The following SAMD4A variants were observed in gnomAD, a reference collection of about 807,000 sequenced individuals.
SAMD4A encodes protein Smaug homolog 1.
In SAMD4A, 33 loss-of-function variants were observed where a neutral mutation model predicts 81.3. The ratio of observed to expected loss-of-function variants is 0.41; its 90% CI spans 0.31 to 0.54. The LOEUF (loss-of-function observed/expected upper bound fraction) is 0.54. Ranked by LOEUF, SAMD4A falls within the 20% of genes least tolerant of loss-of-function variation. The pLI, the probability that SAMD4A is intolerant of heterozygous loss-of-function variation, is 0.37. For missense variants in SAMD4A, 854 were observed against 951.1 expected (o/e 0.90, Z 1.34); for synonymous variants, 389 against 382.1 (o/e 1.02, Z -0.21).
At chr14:54,646,450 A>T (rs147799141) in intron 2 of SAMD4A, among the ~76,000 whole-genome samples, 1 of 152,356 alleles carries the variant, frequency 6.6e-6, no homozygotes, top group African/African-American at 2.4e-5. Context: ...GATGCAGTAG[A>T]TTGGGAGACC....
intron 2 of SAMD4A, among the ~76,000 whole-genome samples, chr14:54,638,408 A>C (rs1036285652): frequency 3.3e-5 from 5 of 152,222 alleles, no homozygotes; most frequent in African/African-American, 9.6e-5. Flanking sequence ...GCCAGAGCAA[A>C]GGAATTCTAG....
chr14:54,710,099 T>G (rs2036952797), intron 3 of SAMD4A, among the ~76,000 whole-genome samples: 2 of 152,310 alleles, frequency 1.3e-5, no homozygotes, highest in African/African-American at 2.4e-5. Context: ...CATGCTGGCC[T>G]TTGTTAGCCC....
chr14:54,604,439 G>A (rs780714453), intron 2 of SAMD4A, among the ~76,000 whole-genome samples: 6 of 152,226 alleles, frequency 3.9e-5, no homozygotes, highest in Non-Finnish European at 5.9e-5. Flanking sequence ...GGTGATATTA[G>A]GTAAGGGGAG....
intron 2 of SAMD4A, among the ~76,000 whole-genome samples, chr14:54,568,610 C>G (rs1455029961): frequency 6.7e-6 from 1 of 148,322 alleles, no homozygotes; most frequent in Non-Finnish European, 1.5e-5. Context: ...CATTTTTCCC[C>G]ACAGATATTC....
rs79297914 is a variant in SAMD4A, at chr14:54,735,733, T to G, written c.716-1291T>G. Reference sequence around the variant, plus strand: ...TGACTCTGCTCTTTATCTTTTGAAGTAGGGAACACAGTAATCTGCCCAGGC... The same window carrying G: ...TGACTCTGCTCTTTATCTTTTGAAGGAGGGAACACAGTAATCTGCCCAGGC... On this transcript the variant is annotated intron_variant, in intron 3 of 12. Transcript: ENST00000554335. 8.0e-3 allele frequency among the ~76,000 whole-genome samples: 1,219 copies of G among 152,288 alleles called. 18 individuals are homozygous for G. Among genetic ancestry groups the G allele is most frequent in the African/African-American group, 0.028 (1,176 of 41,552 alleles).
intron 4 of SAMD4A, among the ~76,000 whole-genome samples, chr14:54,744,109 A>G (rs2037909476): frequency 6.6e-6 from 1 of 152,172 alleles, no homozygotes; most frequent in Admixed American, 6.5e-5. Flanking sequence ...TTCCATCTGC[A>G]GTTACCAGGA....
intron 2 of SAMD4A, among the ~76,000 whole-genome samples, chr14:54,676,361 C>T (rs12892265): frequency 0.82 from 124,378 of 152,160 alleles, 51,691 homozygotes; most frequent in Middle Eastern, 0.92. Context: ...TAGTACTTTC[C>T]TTTCTTTTCT....
At chr14:54,784,283 C>T in intron 11 of SAMD4A, 2 of 1,381,900 alleles carry the variant, frequency 1.4e-6, no homozygotes, top group Non-Finnish European at 2.0e-6. Context: ...GGGTTCTGAG[C>T]AGAGGAGGCA....
chr14:54,659,609 T>C (rs969775527), intron 2 of SAMD4A, among the ~76,000 whole-genome samples: 2 of 152,208 alleles, frequency 1.3e-5, no homozygotes, highest in Non-Finnish European at 2.9e-5. Flanking sequence ...GTGGTTATTC[T>C]ACGTGATGCT....
chr14:54,702,054 C>T lies in SAMD4A; in HGVS notation c.197-8C>T, dbSNP rs199761984. On this transcript the variant is annotated splice_region_variant and splice_polypyrimidine_tract_variant and intron_variant, in intron 2 of 12. Coordinates refer to ENST00000554335, the MANE Select transcript of SAMD4A (RefSeq NM_015589.6). ...TTGCTTATTTGCCGTGTATATTTCCCTTTTCAGGAATCATTAACCAATGGC... is the reference window on the plus strand; with the variant it reads ...TTGCTTATTTGCCGTGTATATTTCCTTTTTCAGGAATCATTAACCAATGGC... 1 of 1,612,944 alleles carries T rather than the reference C, an allele frequency of 6.2e-7. No individual in the cohort carries two copies. The highest frequency in any genetic ancestry group is 2.2e-5 in the East Asian group (1 of 44,866).
At position 54,608,803 on chromosome 14, in the gene SAMD4A, A is replaced by G. The variant is rs529426200; in HGVS notation, c.196+40691A>G. ...TCGTAGATATAGAGGTGGAAGGGAC[A>G]AAAGAAGAAGCAATAGCATGGTCTC... On this transcript the variant is annotated intron_variant, in intron 2 of 12. Coordinates refer to ENST00000554335, the MANE Select transcript of SAMD4A (RefSeq NM_015589.6). Among the ~76,000 whole-genome samples the G allele has an allele frequency of 1.8e-4, 28 of 152,360 alleles. No homozygotes were observed. The East Asian group carries it at 5.4e-3, about 29-fold the overall frequency.
chr14:54,659,317 G>A (rs1463246932), intron 2 of SAMD4A, among the ~76,000 whole-genome samples: 1 of 152,108 alleles, frequency 6.6e-6, no homozygotes, highest in African/African-American at 2.4e-5. Flanking sequence ...CATAGTTGGG[G>A]ACTCAGTCTC....
At chr14:54,571,857 G>A (rs72711686) in intron 2 of SAMD4A, among the ~76,000 whole-genome samples, 4,606 of 152,216 alleles carry the variant, frequency 0.03, 103 homozygotes, top group South Asian at 0.074. Context: ...CCCCATATTT[G>A]TGTAAACTTG....
At chr14:54,583,133 G>A (rs995270546) in intron 2 of SAMD4A, among the ~76,000 whole-genome samples, 23 of 152,012 alleles carry the variant, frequency 1.5e-4, no homozygotes, top group South Asian at 1.2e-3. Flanking sequence ...TAGTAGAGAC[G>A]GGATAAAAAG....
In SAMD4A at chr14:54,784,640, A is replaced by T. The variant is rs759022277; in HGVS notation, c.2128+20A>T. On this transcript the variant is annotated intron_variant, in intron 12 of 12. Coordinates refer to ENST00000554335, the MANE Select transcript of SAMD4A (RefSeq NM_015589.6). The stretch of plus-strand genomic sequence containing the variant: ...TGGGAGGTGAGTGTGTTCTTCCTGC[A>T]TGTCCCCATGTCCCTGTTACCGTGT... 6.3e-7 allele frequency: 1 copy of T among 1,594,610 alleles called. No individual in the cohort carries two copies. The highest frequency in any genetic ancestry group is 1.7e-5 in the Admixed American group (1 of 59,998).
chr14:54,783,770 G>A (rs1027310023), intron 11 of SAMD4A, among the ~76,000 whole-genome samples: 4 of 152,144 alleles, frequency 2.6e-5, no homozygotes, highest in African/African-American at 2.4e-5. Flanking sequence ...TAAGGAGCCC[G>A]CACACCTAAA....
intron 3 of SAMD4A, among the ~76,000 whole-genome samples, chr14:54,730,162 G>A (rs549897389): frequency 6.6e-6 from 1 of 152,222 alleles, no homozygotes; most frequent in African/African-American, 2.4e-5. Context: ...TGAGCCATCT[G>A]TAGAGTAGTA....
intron 4 of SAMD4A, among the ~76,000 whole-genome samples, chr14:54,742,438 C>A (rs764970922): frequency 6.6e-6 from 1 of 152,204 alleles, no homozygotes; most frequent in African/African-American, 2.4e-5. Flanking sequence ...GCACCATGCT[C>A]TTGGCTGACC....
At chr14:54,734,791 G>A (rs1329519276) in intron 3 of SAMD4A, 1 of 152,202 alleles carries the variant, frequency 6.6e-6, no homozygotes, top group East Asian at 1.9e-4. Flanking sequence ...GCATCCATGT[G>A]AAGATGAGGA....
Sources: allele counts gnomAD v4.1 joint callset (sites outside exome capture counted in the v4.1 genomes callset), GRCh38; gene constraint gnomAD v4.1.1; transcripts MANE v1.5; gene names NCBI Gene and HGNC (gene_info 2026-07-23, HGNC 2026-07-21).